Variants in CD2AP observed in about 807,000 individuals in gnomAD.
CD2AP encodes CD2-associated protein.
Under a neutral mutation model 85.1 loss-of-function variants are expected in CD2AP, and 46 were observed. The ratio of observed to expected loss-of-function variants is 0.54; its 90% confidence interval spans 0.43 to 0.69. The LOEUF is 0.69. CD2AP is among the 30% of genes least tolerant of loss of function. The pLI, the probability that CD2AP is intolerant of heterozygous loss-of-function variation, is 0.00. For synonymous variants in CD2AP, 255 were observed against 252.9 expected, an observed-to-expected ratio of 1.01 and a Z score of -0.08; for missense variants, 769 against 729.5, an observed-to-expected ratio of 1.05 and a Z score of -0.62.
At chr6:47,622,417 GTTTTACC>G (rs1769774134) in intron 17 of CD2AP, among the ~76,000 whole-genome samples, 1 of 149,278 alleles carries the variant, frequency 6.7e-6, no homozygotes, top group Admixed American at 6.7e-5. Context: ...TCCCTGTGGA[GTTTTACC>G]CCCTGCTTCT....
intron 12 of CD2AP, among the ~76,000 whole-genome samples, chr6:47,596,593 G>T (rs1009936772): frequency 3.4e-4 from 51 of 152,026 alleles, no homozygotes; most frequent in African/African-American, 1.2e-3. Context: ...TGGCAGGCTT[G>T]CTTTCTTTTT....
chr6:47,585,038 A>T (rs1190440365), intron 11 of CD2AP, among the ~76,000 whole-genome samples: 1 of 152,096 alleles, frequency 6.6e-6, no homozygotes, highest in African/African-American at 2.4e-5. Context: ...TTACGCCTGT[A>T]ATCCCAGCAC....
chr6:47,606,570 G>A (rs1384744432), intron 14 of CD2AP, among the ~76,000 whole-genome samples: 1 of 152,006 alleles, frequency 6.6e-6, no homozygotes, highest in African/African-American at 2.4e-5. Flanking sequence ...TTCAACAACA[G>A]TTATTAAAAT....
intron 11 of CD2AP, among the ~76,000 whole-genome samples, chr6:47,583,073 G>A (rs140062848): frequency 2.2e-3 from 339 of 152,224 alleles, no homozygotes; most frequent in African/African-American, 3.1e-3. Flanking sequence ...GTGAGCCTCC[G>A]TGCCTGGGCC....
chr6:47,616,003 T>G (rs1329626054), intron 17 of CD2AP, among the ~76,000 whole-genome samples: 1 of 150,390 alleles, frequency 6.6e-6, no homozygotes, highest in Non-Finnish European at 1.5e-5. Context: ...CAGGGTGGTC[T>G]TGAACTCCTG....
At chr6:47,597,424 A>C (rs1004795962) in intron 12 of CD2AP, among the ~76,000 whole-genome samples, 2 of 150,844 alleles carry the variant, frequency 1.3e-5, no homozygotes, top group Admixed American at 1.3e-4. Context: ...GAGGACCCAG[A>C]GGCTTGATGA....
At chr6:47,520,259 A>C (rs1346649144) in intron 2 of CD2AP, among the ~76,000 whole-genome samples, 1 of 152,214 alleles carries the variant, frequency 6.6e-6, no homozygotes, top group Non-Finnish European at 1.5e-5. Context: ...GTCCTGGTAG[A>C]AGTATCAGTG....
intron 5 of CD2AP, among the ~76,000 whole-genome samples, chr6:47,561,613 C>T (rs894112826): frequency 1.3e-5 from 2 of 152,120 alleles, no homozygotes; most frequent in Non-Finnish European, 2.9e-5. Flanking sequence ...AATCCCATAC[C>T]TCTACCCATA....
At chr6:47,511,073 CAAAAAA>C (rs70999630) in intron 2 of CD2AP, among the ~76,000 whole-genome samples, 3 of 51,878 alleles carry the variant, frequency 5.8e-5, no homozygotes, top group Non-Finnish European at 9.1e-5. Context: ...CTCTGTGTCT[CAAAAAA>C]AAAAAAAAAA....
chr6:47,492,895 AT>A (rs1433306569), intron 1 of CD2AP, among the ~76,000 whole-genome samples: 12 of 151,722 alleles, frequency 7.9e-5, no homozygotes, highest in Non-Finnish European at 1.8e-4. Flanking sequence ...ATTATACTTA[AT>A]TTTTATTTTT....
At chr6:47,590,862 C>T (rs1768773823) in intron 11 of CD2AP, among the ~76,000 whole-genome samples, 2 of 151,926 alleles carry the variant, frequency 1.3e-5, no homozygotes, top group African/African-American at 4.8e-5. Context: ...GGAATCCAAC[C>T]TGGATATATG....
At chr6:47,607,354 A>G (rs144128568) in intron 14 of CD2AP, among the ~76,000 whole-genome samples, 1 of 152,098 alleles carries the variant, frequency 6.6e-6, no homozygotes, top group African/African-American at 2.4e-5. Context: ...GTAGCTCTAT[A>G]TTTAGTTTTT....
In CD2AP at chr6:47,522,704, T is replaced by C. The variant is rs548219737; in HGVS notation, c.166-10898T>C. Among the ~76,000 whole-genome samples the C allele has an allele frequency of 3.2e-3, 483 of 152,256 alleles. 2 individuals are homozygous for C. Among genetic ancestry groups the C allele is most frequent in the Non-Finnish European group, 5.7e-3 (390 of 67,994 alleles). Reference sequence around the variant, plus strand: ...TTTTTTCTTGGTTTCAACCTAAATTTCTAGCAATTTTTTTCTCTTCGTTTA... The same window carrying C: ...TTTTTTCTTGGTTTCAACCTAAATTCCTAGCAATTTTTTTCTCTTCGTTTA... On this transcript the variant is annotated intron_variant, in intron 2 of 17. Coordinates refer to ENST00000359314, the MANE Select transcript of CD2AP (RefSeq NM_012120.3).
At chr6:47,543,525 C>G (rs1419582276) in intron 3 of CD2AP, among the ~76,000 whole-genome samples, 1 of 152,184 alleles carries the variant, frequency 6.6e-6, no homozygotes, top group East Asian at 1.9e-4. Flanking sequence ...AGTCCAAGAT[C>G]AAGATACTGT....
At chr6:47,554,790 A>G (rs754200490) in intron 5 of CD2AP, 24 bp downstream of exon 5, 13 of 1,565,140 alleles carry the variant, frequency 8.3e-6, no homozygotes, top group Non-Finnish European at 1.1e-5. Flanking sequence ...TAAAATTTTT[A>G]ATTGATTTAA....
At chr6:47,527,064 A>G (rs1368667932) in intron 2 of CD2AP, among the ~76,000 whole-genome samples, 3 of 152,090 alleles carry the variant, frequency 2.0e-5, no homozygotes, top group African/African-American at 4.8e-5. Flanking sequence ...GTAATTTTTC[A>G]AAATTCTCTA....
chr6:47,604,205 G>A lies in CD2AP; in HGVS notation c.1418-1960G>A, dbSNP rs566470850. ...GCTAAATGATTGTCGTGCCTGTTAT[G>A]CCACGTGTACAGTGTAAATCCATTG... On this transcript the variant is annotated intron_variant, in intron 13 of 17. Coordinates refer to ENST00000359314, the MANE Select transcript of CD2AP (RefSeq NM_012120.3). Among the ~76,000 whole-genome samples, 4 of 152,188 alleles carry A rather than the reference G, an allele frequency of 2.6e-5. No individual in the cohort carries two copies. In the South Asian group the frequency reaches 8.3e-4, roughly 31 times the overall value.
At position 47,554,641 on chromosome 6, in the gene CD2AP, T is replaced by C. The variant is rs1020810839; in HGVS notation, c.421-5T>C. 6 of 1,613,718 alleles carry C rather than the reference T, an allele frequency of 3.7e-6. No homozygotes were observed. The African/African-American group carries it at 4.0e-5, about 11-fold the overall frequency. On this transcript the variant is annotated splice_polypyrimidine_tract_variant and splice_region_variant and intron_variant, in intron 4 of 17. Transcript: ENST00000359314. Reference sequence around the variant, plus strand: ...TTTTTGCTTTTGAATTGTGAACTTTTTCAGGTAGAAGAAGGCTGGTGGAGT... The same window carrying C: ...TTTTTGCTTTTGAATTGTGAACTTTCTCAGGTAGAAGAAGGCTGGTGGAGT...
chr6:47,583,183 A>G (rs1582588747), intron 11 of CD2AP, among the ~76,000 whole-genome samples: 1 of 152,120 alleles, frequency 6.6e-6, no homozygotes, highest in African/African-American at 2.4e-5. Context: ...CTTTCTTCAC[A>G]CAGGCACAAT....
Sources: allele counts gnomAD v4.1 joint callset (sites outside exome capture counted in the v4.1 genomes callset), GRCh38; gene constraint gnomAD v4.1.1; transcripts MANE v1.5; gene names NCBI Gene and HGNC (gene_info 2026-07-23, HGNC 2026-07-21).